ZCCHC7: variants seen among roughly 807,000 people sequenced by gnomAD.
ZCCHC7 encodes zinc finger CCHC-type containing 7, also known as zinc finger CCHC domain-containing protein 7.
ZCCHC7 carries 35 observed loss-of-function variants against 52.0 expected under a neutral mutation model. The observed-to-expected ratio is 0.67, with a 90% CI of 0.51 to 0.89. ZCCHC7 has a LOEUF of 0.89. Among genes scored for constraint, ZCCHC7 ranks in the 40% least tolerant of loss-of-function variants. The probability of loss-of-function intolerance (pLI) is 0.00; values close to 1 mark genes in which losing one functional copy is unlikely to be tolerated. For missense variants in ZCCHC7, 574 were observed against 649.1 expected (o/e 0.88, Z 1.26); for synonymous variants, 217 against 221.5 (o/e 0.98, Z 0.18).
intron 2 of ZCCHC7, among the ~76,000 whole-genome samples, chr9:37,249,660 A>G (rs1826233128): frequency 6.6e-6 from 1 of 151,928 alleles, no homozygotes; most frequent in Admixed American, 6.6e-5. Context: ...CATGTTGGCC[A>G]GGGTGGTCTC....
chr9:37,211,810 C>T (rs1456399615), intron 2 of ZCCHC7, among the ~76,000 whole-genome samples: 1 of 151,908 alleles, frequency 6.6e-6, no homozygotes, highest in Non-Finnish European at 1.5e-5. Flanking sequence ...GGGCGGATCA[C>T]GAGGTCAGGA....
rs11790290 is a variant in ZCCHC7, at chr9:37,132,473, C to T, written c.610+5531C>T. 3.3e-3 allele frequency among the ~76,000 whole-genome samples: 503 copies of T among 152,074 alleles called. 2 individuals are homozygous for T. The highest frequency in any genetic ancestry group is 5.4e-3 in the Non-Finnish European group (367 of 68,034). On this transcript the variant is annotated intron_variant, in intron 2 of 8. Coordinates refer to ENST00000336755, the MANE Select transcript of ZCCHC7 (RefSeq NM_032226.3). ...AATCTTTCCTATCTATAACTCTGTG[C>T]CCCTCTGTTATTTTGAAGCTCATCA...
chr9:37,266,731 AGGTATAGT>A (rs926191933), intron 2 of ZCCHC7, among the ~76,000 whole-genome samples: 14 of 152,096 alleles, frequency 9.2e-5, no homozygotes, highest in African/African-American at 3.4e-4. Context: ...AAAATTAACC[AGGTATAGT>A]GGTACACACC....
intron 2 of ZCCHC7, among the ~76,000 whole-genome samples, chr9:37,270,806 AT>A (rs201560201): frequency 4.0e-5 from 6 of 150,120 alleles, no homozygotes; most frequent in Admixed American, 2.0e-4. Context: ...TCCAGCAATA[AT>A]AAAAAAAAAA....
chr9:37,233,542 A>G (rs1825503552), intron 2 of ZCCHC7, among the ~76,000 whole-genome samples: 1 of 152,226 alleles, frequency 6.6e-6, no homozygotes, highest in African/African-American at 2.4e-5. Flanking sequence ...GAACAATTAG[A>G]GGTTATGTTC....
intron 5 of ZCCHC7, among the ~76,000 whole-genome samples, chr9:37,310,933 G>T (rs1282908564): frequency 1.3e-5 from 2 of 149,018 alleles, no homozygotes; most frequent in African/African-American, 5.0e-5. Context: ...CTCCAGCCTG[G>T]GTGACAGTGT....
At chr9:37,343,613 C>G (rs1820772521) in intron 6 of ZCCHC7, among the ~76,000 whole-genome samples, 1 of 152,154 alleles carries the variant, frequency 6.6e-6, no homozygotes, top group African/African-American at 2.4e-5. Context: ...CGGAAAAATT[C>G]CATGAAACTT....
intron 2 of ZCCHC7, among the ~76,000 whole-genome samples, chr9:37,289,236 G>A (rs953064187): frequency 5.3e-5 from 8 of 150,474 alleles, no homozygotes; most frequent in African/African-American, 2.0e-4. Context: ...TGCAACCTCT[G>A]CCTCCCGGGT....
chr9:37,147,464 T>C (rs571314499), intron 2 of ZCCHC7: 2 of 151,950 alleles, frequency 1.3e-5, no homozygotes, highest in African/African-American at 4.8e-5. Flanking sequence ...ATCTTATTAT[T>C]CCATAAAATT....
intron 2 of ZCCHC7, among the ~76,000 whole-genome samples, chr9:37,174,183 C>T (rs1407703213): frequency 6.6e-6 from 1 of 151,952 alleles, no homozygotes; most frequent in Non-Finnish European, 1.5e-5. Context: ...CATGGTGGCA[C>T]CTGTAATCTC....
intron 2 of ZCCHC7, among the ~76,000 whole-genome samples, chr9:37,160,840 C>G (rs896348860): frequency 1.3e-5 from 2 of 152,006 alleles, no homozygotes; most frequent in Non-Finnish European, 2.9e-5. Flanking sequence ...GAACCGAGAT[C>G]GTGCCATTGC....
intron 2 of ZCCHC7, among the ~76,000 whole-genome samples, chr9:37,208,192 C>T (rs1243474425): frequency 6.6e-6 from 1 of 152,120 alleles, no homozygotes; most frequent in Non-Finnish European, 1.5e-5. Context: ...TCAGGTGATC[C>T]TCCCACCTCA....
intron 5 of ZCCHC7, among the ~76,000 whole-genome samples, chr9:37,308,845 G>GTGGT (rs1372180591): frequency 1.3e-5 from 2 of 151,986 alleles, no homozygotes; most frequent in East Asian, 1.9e-4. Context: ...GCTGGGCGTG[G>GTGGT]TGGTACACAC....
chr9:37,151,729 T>G (rs1031194728), intron 2 of ZCCHC7, among the ~76,000 whole-genome samples: 1 of 152,032 alleles, frequency 6.6e-6, no homozygotes, highest in African/African-American at 2.4e-5. Context: ...CACTTGAACC[T>G]GGGAGGCGGA....
chr9:37,337,729 CAAATA>C (rs1830744722), intron 6 of ZCCHC7, among the ~76,000 whole-genome samples: 1 of 152,024 alleles, frequency 6.6e-6, no homozygotes, highest in Non-Finnish European at 1.5e-5. Flanking sequence ...TTTAAGATGG[CAAATA>C]AAATATAGAT....
At chr9:37,185,480 A>G (rs1822603407) in intron 2 of ZCCHC7, among the ~76,000 whole-genome samples, 1 of 152,254 alleles carries the variant, frequency 6.6e-6, no homozygotes, top group Non-Finnish European at 1.5e-5. Flanking sequence ...CTGCTGTAAC[A>G]AATTACCATA....
intron 2 of ZCCHC7, among the ~76,000 whole-genome samples, chr9:37,195,950 C>T (rs1823267900): frequency 6.6e-6 from 1 of 152,018 alleles, no homozygotes; most frequent in South Asian, 2.1e-4. Context: ...TAAAATAATT[C>T]AACTACTGAT....
chr9:37,325,199 T>C (rs1161374761), intron 5 of ZCCHC7, among the ~76,000 whole-genome samples: 1 of 152,218 alleles, frequency 6.6e-6, no homozygotes, highest in East Asian at 1.9e-4. Context: ...TGGCAAACAA[T>C]GTAGCACATT....
chr9:37,143,848 A>G (rs561956322), intron 2 of ZCCHC7, among the ~76,000 whole-genome samples: 1 of 151,950 alleles, frequency 6.6e-6, no homozygotes, highest in South Asian at 2.1e-4. Flanking sequence ...TTTGATTATG[A>G]TATTTTGATT....
Sources: gnomAD v4.1 joint callset for allele counts (sites outside exome capture counted in the v4.1 genomes callset) on GRCh38, gnomAD v4.1.1 for gene constraint, MANE v1.5 for transcripts, NCBI Gene and HGNC (gene_info 2026-07-23, HGNC 2026-07-21) for gene names.